PTN: variants seen among roughly 807,000 people sequenced by gnomAD.
PTN encodes the protein heparin affin regulatory protein.
A neutral mutation model predicts 24.1 loss-of-function variants in PTN; 18 were observed. The ratio of observed to expected loss-of-function variants is 0.75; its 90% CI spans 0.52 to 1.11. The LOEUF is 1.11. Ranked by LOEUF, PTN falls within the 50% of genes least tolerant of loss-of-function variation. The pLI, the probability that PTN is intolerant of heterozygous loss-of-function variation, is 0.00. For synonymous variants in PTN, 78 were observed against 68.6 expected (o/e 1.14, Z -0.67); for missense variants, 163 against 198.8 (o/e 0.82, Z 1.08).
chr7:137,252,663 T>A (rs1009346225), intron 3 of PTN, among the ~76,000 whole-genome samples: 4 of 151,872 alleles, frequency 2.6e-5, no homozygotes, highest in Non-Finnish European at 5.9e-5. Flanking sequence ...TCCTCACTTG[T>A]CTATGGGCCA....
In PTN at chr7:137,343,707, G is replaced by A; in HGVS notation, c.-270C>T. ...CTTTGACTCAATTACGCCCTGACAG[G>A]GAGGGAACGGAAGGGAAATGGAGAA... On this transcript the variant is annotated 5_prime_UTR_variant, in exon 1 of 5. Coordinates refer to ENST00000348225, the MANE Select transcript of PTN (RefSeq NM_002825.7). 1 of 477,612 alleles carries A rather than the reference G, an allele frequency of 2.1e-6. No individual in the cohort carries two copies. The highest frequency in any genetic ancestry group is 4.2e-6 in the Non-Finnish European group (1 of 237,952). 29.6% of individuals were successfully genotyped at this position (477,612 alleles called of 1,614,324 possible). A position where few individuals can be genotyped will look rare whatever the true frequency, so the allele number is the denominator to read the frequency against.
chr7:137,258,236 G>C (rs1035838869), intron 1 of PTN, among the ~76,000 whole-genome samples: 2 of 152,106 alleles, frequency 1.3e-5, no homozygotes, highest in Non-Finnish European at 2.9e-5. Flanking sequence ...GAGCTGACTG[G>C]AAAGAAGGAA....
intron 1 of PTN, among the ~76,000 whole-genome samples, chr7:137,289,207 G>C (rs1809603329): frequency 6.6e-6 from 1 of 152,146 alleles, no homozygotes; most frequent in Non-Finnish European, 1.5e-5. Context: ...TAAAAGAAGG[G>C]AACATAGCTA....
chr7:137,270,270 G>A (rs552339530), intron 1 of PTN, among the ~76,000 whole-genome samples: 13 of 152,310 alleles, frequency 8.5e-5, no homozygotes, highest in African/African-American at 3.1e-4. Context: ...TTTTAAGACA[G>A]GGATTCAGTT....
In PTN at chr7:137,295,369, C is replaced by T. The variant is rs150327513; in HGVS notation, c.-1-40395G>A. On this transcript the variant is annotated intron_variant, in intron 1 of 4. Transcript: ENST00000348225. ...CAAAGCAGATACCATTGTAGCTCTG[C>T]CGAAATATCGAGGACTGGGATGTGA... 6.1e-4 allele frequency among the ~76,000 whole-genome samples: 93 copies of T among 152,134 alleles called. No homozygotes were observed. The East Asian group carries it at 0.016, about 26-fold the overall frequency.
At chr7:137,293,788 C>G (rs1386511235) in intron 1 of PTN, among the ~76,000 whole-genome samples, 1 of 152,024 alleles carries the variant, frequency 6.6e-6, no homozygotes, top group South Asian at 2.1e-4. Flanking sequence ...GACATGTCAT[C>G]ACTCAAAGTC....
chr7:137,328,684 T>G (rs1810302462), intron 1 of PTN, among the ~76,000 whole-genome samples: 1 of 152,100 alleles, frequency 6.6e-6, no homozygotes, highest in African/African-American at 2.4e-5. Flanking sequence ...CTAGACACCC[T>G]CCTGCTTGTA....
chr7:137,268,552 A>G (rs550083483), intron 1 of PTN, among the ~76,000 whole-genome samples: 1 of 152,262 alleles, frequency 6.6e-6, no homozygotes, highest in East Asian at 1.9e-4. Context: ...GGTACGTGAT[A>G]GGGGCTGTGA....
intron 1 of PTN, among the ~76,000 whole-genome samples, chr7:137,323,925 G>A (rs1028798524): frequency 7.9e-5 from 12 of 152,114 alleles, no homozygotes; most frequent in Non-Finnish European, 1.3e-4. Context: ...TCCACAGATC[G>A]TAATCTAGGA....
chr7:137,267,977 C>CAAAACA (rs1277760505), intron 1 of PTN, among the ~76,000 whole-genome samples: 4 of 151,932 alleles, frequency 2.6e-5, no homozygotes, highest in Non-Finnish European at 5.9e-5. Context: ...CAAACCAAGT[C>CAAAACA]AAAACAAAAA....
intron 1 of PTN, among the ~76,000 whole-genome samples, chr7:137,314,670 C>T (rs1186909358): frequency 1.3e-5 from 2 of 148,796 alleles, no homozygotes; most frequent in African/African-American, 2.5e-5. Flanking sequence ...TCTCGACTCA[C>T]GGCAACCTCC....
intron 1 of PTN, among the ~76,000 whole-genome samples, chr7:137,278,964 A>G (rs146547955): frequency 0.11 from 16,017 of 145,524 alleles, 975 homozygotes; most frequent in African/African-American, 0.16. Context: ...TAATAATAAT[A>G]ATAATAATAA....
At chr7:137,320,736 T>C (rs561490576) in intron 1 of PTN, among the ~76,000 whole-genome samples, 2 of 152,200 alleles carry the variant, frequency 1.3e-5, no homozygotes, top group Non-Finnish European at 2.9e-5. Context: ...ATATGCTTTC[T>C]CATGATTTTC....
intron 1 of PTN, among the ~76,000 whole-genome samples, chr7:137,277,905 TGATAGATA>T (rs71533741): frequency 0.019 from 11 of 594 alleles, no homozygotes; most frequent in African/African-American, 0.081. Context: ...ATAGATGAGA[TGATAGATA>T]GATAGATAGA....
chr7:137,324,433 A>AAAAAAAAATATAT, intron 1 of PTN, among the ~76,000 whole-genome samples: 20 of 88,758 alleles, frequency 2.3e-4, no homozygotes, highest in African/African-American at 1.4e-3. Context: ...AAAAAAAAAA[A>AAAAAAAAATATAT]ATATATATAT....
intron 1 of PTN, among the ~76,000 whole-genome samples, chr7:137,279,214 G>T (rs554673815): frequency 6.6e-6 from 1 of 152,096 alleles, no homozygotes; most frequent in African/African-American, 2.4e-5. Context: ...ATAAATCATA[G>T]CTAGTGATGT....
intron 1 of PTN, among the ~76,000 whole-genome samples, chr7:137,255,572 A>T (rs1808907614): frequency 6.6e-6 from 1 of 152,244 alleles, no homozygotes; most frequent in African/African-American, 2.4e-5. Context: ...AGTGAATCCC[A>T]GAAGTAGAGC....
intron 4 of PTN, among the ~76,000 whole-genome samples, chr7:137,229,918 T>A (rs1170975426): frequency 6.6e-6 from 1 of 151,780 alleles, no homozygotes; most frequent in Non-Finnish European, 1.5e-5. Flanking sequence ...GCAACAGCTG[T>A]ATATTAGGAT....
intron 4 of PTN, among the ~76,000 whole-genome samples, chr7:137,232,418 A>G (rs1808443574): frequency 6.6e-6 from 1 of 151,960 alleles, no homozygotes; most frequent in African/African-American, 2.4e-5. Flanking sequence ...TACAGAGATG[A>G]GAAAAAATAG....
Sources: gnomAD v4.1 joint callset for allele counts (sites outside exome capture counted in the v4.1 genomes callset) on GRCh38, gnomAD v4.1.1 for gene constraint, MANE v1.5 for transcripts, NCBI Gene and HGNC (gene_info 2026-07-23, HGNC 2026-07-21) for gene names.